PARD3B: variants seen among roughly 807,000 people sequenced by gnomAD.
The protein encoded by PARD3B is par-3 family cell polarity regulator beta, also known as partitioning defective 3 homolog B.
A neutral mutation model predicts 130.2 loss-of-function variants in PARD3B; 103 were observed. The ratio of observed to expected loss-of-function variants is 0.79; its 90% confidence interval spans 0.67 to 0.93. The LOEUF (loss-of-function observed/expected upper bound fraction) is 0.93. Among genes scored for constraint, PARD3B ranks in the 40% least tolerant of loss-of-function variants. The pLI, the probability that PARD3B is intolerant of heterozygous loss-of-function variation, is 0.00. For missense variants in PARD3B, 1,609 were observed against 1,499.2 expected, an observed-to-expected ratio of 1.07 and a Z score of -1.21; for synonymous variants, 583 against 553.2, an observed-to-expected ratio of 1.05 and a Z score of -0.76.
At chr2:205,379,241 C>G (rs1315986144) in intron 18 of PARD3B, among the ~76,000 whole-genome samples, 1 of 152,130 alleles carries the variant, frequency 6.6e-6, no homozygotes, top group African/African-American at 2.4e-5. Context: ...CAAATCCCTG[C>G]CACCACCAAA....
intron 18 of PARD3B, among the ~76,000 whole-genome samples, chr2:205,365,055 C>A (rs868703826): frequency 1.3e-5 from 2 of 151,938 alleles, no homozygotes; most frequent in African/African-American, 4.8e-5. Context: ...CAAAAATTAG[C>A]CAGGCATGGT....
chr2:205,380,983 A>T (rs1291448285), intron 18 of PARD3B, among the ~76,000 whole-genome samples: 1 of 108,936 alleles, frequency 9.2e-6, no homozygotes, highest in Non-Finnish European at 1.7e-5. Context: ...TATATTATAT[A>T]TAATATCTAA....
intron 15 of PARD3B, among the ~76,000 whole-genome samples, chr2:205,231,400 C>G (rs935289493): frequency 6.6e-6 from 1 of 151,414 alleles, no homozygotes; most frequent in Non-Finnish European, 1.5e-5. Context: ...AATCATGGCT[C>G]ACTGCAGCCT....
intron 21 of PARD3B, among the ~76,000 whole-genome samples, chr2:205,539,634 T>A (rs548383753): frequency 6.6e-6 from 1 of 152,308 alleles, no homozygotes; most frequent in East Asian, 1.9e-4. Context: ...ATTTTAACAA[T>A]GGCTACTAAA....
chr2:205,054,500 G>A (rs1489246828), intron 4 of PARD3B, among the ~76,000 whole-genome samples: 1 of 132,858 alleles, frequency 7.5e-6, no homozygotes, highest in Non-Finnish European at 1.6e-5. Flanking sequence ...CAACGTGCAG[G>A]TTTGTTACAT....
At chr2:205,508,174 G>A (rs1019345929) in intron 21 of PARD3B, among the ~76,000 whole-genome samples, 1 of 152,156 alleles carries the variant, frequency 6.6e-6, no homozygotes, top group Non-Finnish European at 1.5e-5. Flanking sequence ...TTTACATAGA[G>A]TTGCTCTGTT....
chr2:204,725,647 A>G (rs1421399336), intron 2 of PARD3B, among the ~76,000 whole-genome samples: 6 of 152,212 alleles, frequency 3.9e-5, no homozygotes, highest in Non-Finnish European at 8.8e-5. Context: ...TATTCAAACA[A>G]TAAGGTTTTA....
intron 2 of PARD3B, among the ~76,000 whole-genome samples, chr2:204,930,651 T>G (rs1687963348): frequency 6.6e-6 from 1 of 152,052 alleles, no homozygotes; most frequent in Non-Finnish European, 1.5e-5. Flanking sequence ...TAAAACTTCA[T>G]TTTTAACATA....
At position 204,587,655 on chromosome 2, in the gene PARD3B, C is replaced by T. The variant is rs1274684129; in HGVS notation, c.120+41536C>T. Among the ~76,000 whole-genome samples, 3 of 152,308 alleles carry T rather than the reference C, an allele frequency of 2.0e-5. No individual in the cohort carries two copies. In the East Asian group the frequency reaches 5.8e-4, roughly 29 times the overall value. On this transcript the variant is annotated intron_variant, in intron 1 of 22. Coordinates refer to ENST00000406610, the MANE Select transcript of PARD3B (RefSeq NM_001302769.2). ...AAATAAGCCAATTGTTTTCCCTTTGCTCCAAGGGAGAAGAGCAGGCTCTGT... is the reference window on the plus strand; with the variant it reads ...AAATAAGCCAATTGTTTTCCCTTTGTTCCAAGGGAGAAGAGCAGGCTCTGT...
chr2:204,701,762 T>C (rs965012869), intron 2 of PARD3B, among the ~76,000 whole-genome samples: 1 of 152,068 alleles, frequency 6.6e-6, no homozygotes, highest in Admixed American at 6.6e-5. Context: ...AACTTTTAGC[T>C]TCAGGGGGTA....
At chr2:205,191,322 C>A (rs984894487) in intron 14 of PARD3B, among the ~76,000 whole-genome samples, 4 of 152,086 alleles carry the variant, frequency 2.6e-5, no homozygotes, top group African/African-American at 9.7e-5. Flanking sequence ...TTTAAAGAGT[C>A]ATAAATTCTA....
intron 2 of PARD3B, among the ~76,000 whole-genome samples, chr2:204,725,594 TC>T (rs1302105599): frequency 2.0e-5 from 3 of 152,192 alleles, no homozygotes; most frequent in Non-Finnish European, 4.4e-5. Flanking sequence ...CTCGTCATCT[TC>T]AGGATGTTAA....
chr2:204,977,705 G>A (rs1462773570), intron 3 of PARD3B, among the ~76,000 whole-genome samples: 1 of 151,764 alleles, frequency 6.6e-6, no homozygotes, highest in African/African-American at 2.4e-5. Flanking sequence ...CCAGCTACTC[G>A]GGAGGCTGAG....
At chr2:205,359,194 C>T (rs2044300859) in intron 18 of PARD3B, among the ~76,000 whole-genome samples, 1 of 152,174 alleles carries the variant, frequency 6.6e-6, no homozygotes, top group Admixed American at 6.6e-5. Flanking sequence ...AGAGTAATAG[C>T]TCCTCTCATT....
intron 2 of PARD3B, among the ~76,000 whole-genome samples, chr2:204,933,079 A>T (rs1375687790): frequency 6.6e-6 from 1 of 152,172 alleles, no homozygotes; most frequent in East Asian, 1.9e-4. Flanking sequence ...TGGTGTGAAG[A>T]ACTGATTGCT....
Position 204,878,642 on chromosome 2 carries a change from C to T in PARD3B, c.223-86510C>T, listed in dbSNP as rs2045931144. Reference sequence around the variant, plus strand: ...TCTTAGCTAATGGTGATAAAGTGCCCGAGTCTATTTTCAGTTTTCTTGATA... The same window carrying T: ...TCTTAGCTAATGGTGATAAAGTGCCTGAGTCTATTTTCAGTTTTCTTGATA... On this transcript the variant is annotated intron_variant, in intron 2 of 22. Coordinates refer to ENST00000406610, the MANE Select transcript of PARD3B (RefSeq NM_001302769.2). Among the ~76,000 whole-genome samples, 5 of 151,664 alleles carry T rather than the reference C, an allele frequency of 3.3e-5. No homozygotes were observed. The South Asian group carries it at 8.4e-4, about 25-fold the overall frequency.
chr2:205,544,518 A>G (rs948932533), intron 21 of PARD3B, among the ~76,000 whole-genome samples: 4 of 152,104 alleles, frequency 2.6e-5, no homozygotes, highest in African/African-American at 9.7e-5. Context: ...TGTATCCACA[A>G]TCATAGTTTC....
At chr2:205,222,438 C>T (rs1232770496) in intron 15 of PARD3B, among the ~76,000 whole-genome samples, 1 of 152,134 alleles carries the variant, frequency 6.6e-6, no homozygotes, top group Non-Finnish European at 1.5e-5. Context: ...GATAATAAAA[C>T]CCAACTCAAA....
intron 21 of PARD3B, among the ~76,000 whole-genome samples, chr2:205,534,995 G>A (rs35477850): frequency 1.2e-4 from 18 of 152,052 alleles, no homozygotes; most frequent in Non-Finnish European, 1.9e-4. Flanking sequence ...GTTCAAAATC[G>A]GGACACATGA....
Sources: gnomAD v4.1 joint callset for allele counts (sites outside exome capture counted in the v4.1 genomes callset) on GRCh38, gnomAD v4.1.1 for gene constraint, MANE v1.5 for transcripts, NCBI Gene and HGNC (gene_info 2026-07-23, HGNC 2026-07-21) for gene names.